CDH18: variants seen among roughly 807,000 people sequenced by gnomAD.
CDH18 encodes the protein cadherin 18.
CDH18 carries 31 observed loss-of-function variants against 67.9 expected under a neutral mutation model. That is an observed-to-expected ratio of 0.46 (90% CI 0.34 to 0.62). The LOEUF is 0.62. Among genes scored for constraint, CDH18 ranks in the 20% least tolerant of loss-of-function variants. The pLI, the probability that CDH18 is intolerant of heterozygous loss-of-function variation, is 0.01. For synonymous variants in CDH18, 362 were observed against 347.2 expected (o/e 1.04, Z -0.48); for missense variants, 890 against 975.5 (o/e 0.91, Z 1.17).
rs1744824391 is a variant in CDH18 at position 20,391,193 on chromosome 5, A to G, written c.-579-135688T>C. ...CAAGAACTGCCATAAACATGTATAT[A>G]ACATAAAGATATATATAACATAAAC... On this transcript the variant is annotated intron_variant, in intron 1 of 14. Coordinates refer to the CDH18 transcript ENST00000507958. Among the ~76,000 whole-genome samples the G allele has an allele frequency of 2.0e-5, 3 of 152,130 alleles. No individual in the cohort carries two copies. In the South Asian group the frequency reaches 6.2e-4, roughly 31 times the overall value.
chr5:19,643,511 A>G, intron 5 of CDH18, among the ~76,000 whole-genome samples: 1 of 152,184 alleles, frequency 6.6e-6, no homozygotes, highest in East Asian at 1.9e-4. Context: ...AAAGAAGGAA[A>G]TCTGCCACTT....
chr5:20,384,062 G>C (rs1201735452), intron 1 of CDH18, among the ~76,000 whole-genome samples: 1 of 151,942 alleles, frequency 6.6e-6, no homozygotes, highest in Non-Finnish European at 1.5e-5. Context: ...AATTAAAAAA[G>C]TACAATAATA....
At chr5:19,800,993 A>G (rs544763867) in intron 3 of CDH18, among the ~76,000 whole-genome samples, 9 of 152,166 alleles carry the variant, frequency 5.9e-5, no homozygotes, top group South Asian at 2.1e-4. Flanking sequence ...CAGCATGCAC[A>G]TGCAGTCCCA....
intron 2 of CDH18, among the ~76,000 whole-genome samples, chr5:20,111,537 T>C: frequency 7.9e-6 from 1 of 125,972 alleles, no homozygotes; most frequent in Non-Finnish European, 1.7e-5. Context: ...CTTCCTTCCT[T>C]CCTTCTTTCT....
intron 1 of CDH18, among the ~76,000 whole-genome samples, chr5:20,437,363 GA>G (rs750244704): frequency 6.6e-6 from 1 of 150,826 alleles, no homozygotes; most frequent in Non-Finnish European, 1.5e-5. Context: ...ACATAATTTA[GA>G]AAAAAATTAA....
At chr5:19,958,438 T>G in intron 2 of CDH18, among the ~76,000 whole-genome samples, 1 of 148,772 alleles carries the variant, frequency 6.7e-6, no homozygotes, top group Non-Finnish European at 1.5e-5. Context: ...TACTTAGGAC[T>G]TATGAACTGC....
intron 2 of CDH18, among the ~76,000 whole-genome samples, chr5:19,958,379 C>CAA (rs57913629): frequency 0.01 from 688 of 66,624 alleles, 22 homozygotes; most frequent in African/African-American, 0.029. Context: ...TTTCCTTCAC[C>CAA]AAAAAAAAAA....
intron 2 of CDH18, among the ~76,000 whole-genome samples, chr5:20,050,171 T>C (rs968514003): frequency 4.6e-5 from 7 of 152,032 alleles, no homozygotes; most frequent in Admixed American, 1.3e-4. Flanking sequence ...AATTTTGCCT[T>C]TGGGCAAATT....
At chr5:19,941,017 T>C (rs1034453048) in intron 2 of CDH18, among the ~76,000 whole-genome samples, 9 of 152,152 alleles carry the variant, frequency 5.9e-5, no homozygotes, top group African/African-American at 2.2e-4. Flanking sequence ...AGTAAAGTCT[T>C]TAAACTAAAT....
chr5:19,971,464 TAA>T (rs1798007806), intron 2 of CDH18, among the ~76,000 whole-genome samples: 1 of 152,006 alleles, frequency 6.6e-6, no homozygotes, highest in African/African-American at 2.4e-5. Context: ...AATGTATATA[TAA>T]AAAGATAGTT....
intron 8 of CDH18, among the ~76,000 whole-genome samples, chr5:19,549,744 A>AAAAGAAAAAGAAAG (rs201835083): frequency 6.7e-6 from 1 of 148,536 alleles, no homozygotes; most frequent in East Asian, 2.0e-4. Context: ...AGAAAGAGAG[A>AAAAGAAAAAGAAAG]AAAGAAAAAG....
At position 19,544,065 on chromosome 5, in the gene CDH18, A is replaced by G. The variant is rs1735891811; in HGVS notation, c.1254-60T>C. ...ATAATGAAGAAAATACAACTGAACC[A>G]AGGAAAGTATTATATCTAAATACAT... On this transcript the variant is annotated intron_variant, in intron 8 of 12. Transcript: ENST00000382275. 4.7e-6 allele frequency: 4 copies of G among 845,356 alleles called. No individual in the cohort carries two copies. In the South Asian group the frequency reaches 6.6e-5, roughly 14 times the overall value. 52.4% of individuals were successfully genotyped at this position (845,356 alleles called of 1,614,324 possible).
At chr5:19,883,989 G>A (rs1172189380) in intron 2 of CDH18, among the ~76,000 whole-genome samples, 1 of 152,050 alleles carries the variant, frequency 6.6e-6, no homozygotes, top group Non-Finnish European at 1.5e-5. Flanking sequence ...GCCATAAAGT[G>A]TTTATATCTT....
intron 1 of CDH18, among the ~76,000 whole-genome samples, chr5:20,279,292 A>G (rs896817437): frequency 6.6e-6 from 1 of 152,146 alleles, no homozygotes; most frequent in Non-Finnish European, 1.5e-5. Flanking sequence ...AAAAACTATA[A>G]AAAGAGAAAA....
intron 1 of CDH18, among the ~76,000 whole-genome samples, chr5:20,317,426 ATTTC>A (rs1229682946): frequency 6.6e-6 from 1 of 152,086 alleles, no homozygotes; most frequent in African/African-American, 2.4e-5. Context: ...ACATGTTATT[ATTTC>A]TTTGCTCTGG....
At chr5:19,774,318 G>A (rs949802546) in intron 3 of CDH18, among the ~76,000 whole-genome samples, 1 of 151,848 alleles carries the variant, frequency 6.6e-6, no homozygotes, top group East Asian at 1.9e-4. Flanking sequence ...GAAGGCAGAG[G>A]CAGGAGGATA....
rs1457069110 is a variant in CDH18 at position 19,544,060 on chromosome 5, G to A, written c.1254-55C>T. On this transcript the variant is annotated intron_variant, in intron 8 of 12. Transcript: ENST00000382275. ...ATGTTATAATGAAGAAAATACAACT[G>A]AACCAAGGAAAGTATTATATCTAAA... The A allele has an allele frequency of 3.3e-5, 30 of 900,698 alleles. No individual in the cohort carries two copies. In the Middle Eastern group the frequency reaches 1.1e-3, roughly 34 times the overall value. The allele number at this position is 900,698 out of a possible 1,614,324, so 55.8% of individuals were successfully genotyped here. A position where few individuals can be genotyped will look rare whatever the true frequency, so the allele number is the denominator to read the frequency against.
chr5:19,903,920 T>C lies in CDH18; in HGVS notation c.-256-64678A>G, dbSNP rs1790234962. ...ATTCTTTTTGTACTAGATAATTTAA[T>C]GCTTCCATTTAATAAGAAGATCTAT... is the stretch of plus-strand genomic sequence containing the variant. On this transcript the variant is annotated intron_variant, in intron 2 of 12. Coordinates refer to ENST00000382275, the MANE Select transcript of CDH18 (RefSeq NM_004934.5). 6.6e-5 allele frequency among the ~76,000 whole-genome samples: 10 copies of C among 152,018 alleles called. No individual in the cohort carries two copies. The South Asian group carries it at 2.1e-3, about 31-fold the overall frequency.
intron 1 of CDH18, among the ~76,000 whole-genome samples, chr5:20,308,358 C>A (rs1736669598): frequency 6.6e-6 from 1 of 151,892 alleles, no homozygotes; most frequent in South Asian, 2.1e-4. Flanking sequence ...GCCTGGGCGA[C>A]ACGGTGAAAC....
Sources: allele counts gnomAD v4.1 joint callset (sites outside exome capture counted in the v4.1 genomes callset), GRCh38; gene constraint gnomAD v4.1.1; transcripts MANE v1.5; gene names NCBI Gene and HGNC (gene_info 2026-07-23, HGNC 2026-07-21).